The following ZMIZ1 variants were observed in gnomAD, a reference collection of about 807,000 sequenced individuals.
The protein encoded by ZMIZ1 is zinc finger MIZ domain-containing protein 1.
ZMIZ1 carries 17 observed loss-of-function variants against 113.9 expected under a neutral mutation model. The ratio of observed to expected loss-of-function variants is 0.15; its 90% confidence interval spans 0.10 to 0.22. The LOEUF (loss-of-function observed/expected upper bound fraction) is 0.22, where lower values mean the gene tolerates loss of function less well. ZMIZ1 is among the 10% of genes least tolerant of loss of function. ZMIZ1 has a pLI of 1.00. For missense variants in ZMIZ1, 1,059 were observed against 1,477.8 expected (o/e 0.72, Z 4.65); for synonymous variants, 607 against 603.1 (o/e 1.01, Z -0.09).
chr10:79,202,299 T>C (rs1035411619), intron 5 of ZMIZ1, among the ~76,000 whole-genome samples: 2 of 150,874 alleles, frequency 1.3e-5, no homozygotes, highest in Non-Finnish European at 3.0e-5. Flanking sequence ...TACTAATTTA[T>C]TTAAAAATAA....
intron 23 of ZMIZ1, among the ~76,000 whole-genome samples, chr10:79,310,674 C>T (rs551831594): frequency 1.3e-5 from 2 of 152,270 alleles, no homozygotes; most frequent in Non-Finnish European, 1.5e-5. Flanking sequence ...TCGAAGCCCT[C>T]CCCACCTCCT....
At chr10:79,307,729 G>A (rs1854824911) in intron 23 of ZMIZ1, among the ~76,000 whole-genome samples, 158 bp downstream of exon 23, 1 of 152,116 alleles carries the variant, frequency 6.6e-6, no homozygotes. Context: ...GCTACGTCGT[G>A]CCCTGTCAGT....
chr10:79,251,960 C>T (rs923398340), intron 7 of ZMIZ1, among the ~76,000 whole-genome samples: 5 of 152,156 alleles, frequency 3.3e-5, no homozygotes, highest in Admixed American at 1.3e-4. Flanking sequence ...GGAGGCCACT[C>T]GGGCAATGGG....
chr10:79,277,574 T>TTAGA (rs1157982350), intron 8 of ZMIZ1, among the ~76,000 whole-genome samples: 1 of 152,210 alleles, frequency 6.6e-6, no homozygotes, highest in Non-Finnish European at 1.5e-5. Flanking sequence ...TGGCAGAACG[T>TTAGA]TAGAAATTCT....
chr10:79,213,395 G>A (rs1267192499), intron 6 of ZMIZ1, among the ~76,000 whole-genome samples: 2 of 152,180 alleles, frequency 1.3e-5, no homozygotes, highest in Non-Finnish European at 2.9e-5. Context: ...GTGGCCTTGA[G>A]CACGGTCCTG....
At position 79,118,636 on chromosome 10, in the gene ZMIZ1, T is replaced by C. The variant is rs112801443; in HGVS notation, c.-336-279T>C. ...CTGGGAGGCCGGGCTGACTGGAGCC[T>C]AGTGGTGGGCAGGCAGGTTTGGCTG... On this transcript the variant is annotated intron_variant, in intron 1 of 24. Coordinates refer to ENST00000334512, the MANE Select transcript of ZMIZ1 (RefSeq NM_020338.4). The surrounding 1 kb of genome is among the most constrained non-coding windows in gnomAD (Gnocchi z 4.1). Among the ~76,000 whole-genome samples, 7 of 152,282 alleles carry C rather than the reference T, an allele frequency of 4.6e-5. No individual in the cohort carries two copies. Among genetic ancestry groups the C allele is most frequent in the African/African-American group, 1.7e-4 (7 of 41,568 alleles).
At chr10:79,182,871 T>C (rs775453260) in intron 4 of ZMIZ1, among the ~76,000 whole-genome samples, 6 of 152,252 alleles carry the variant, frequency 3.9e-5, no homozygotes, top group Non-Finnish European at 2.9e-5. Context: ...ATCCATTAGA[T>C]GTACACTGTT....
At chr10:79,303,454 C>CAA (rs34154193) in intron 18 of ZMIZ1, among the ~76,000 whole-genome samples, 4,590 of 64,280 alleles carry the variant, frequency 0.071, 225 homozygotes, top group East Asian at 0.2. Context: ...GACACTGCCA[C>CAA]AAAAAAAAAA....
intron 2 of ZMIZ1, among the ~76,000 whole-genome samples, chr10:79,130,380 G>A (rs1434094108): frequency 6.6e-6 from 1 of 152,212 alleles, no homozygotes; most frequent in African/African-American, 2.4e-5. Context: ...CTGAGTGCCA[G>A]GCCCAGCGCT....
chr10:79,208,551 G>A (rs1191202031), intron 6 of ZMIZ1, 102 bp downstream of exon 6: 4 of 979,584 alleles, frequency 4.1e-6, no homozygotes, highest in Non-Finnish European at 4.6e-6. Context: ...ATTGGGAGGT[G>A]ACACCAGTGA....
chr10:79,175,713 G>A (rs901034973), intron 4 of ZMIZ1, among the ~76,000 whole-genome samples: 3 of 151,622 alleles, frequency 2.0e-5, no homozygotes, highest in Non-Finnish European at 4.4e-5. Context: ...CCATCCTTGG[G>A]CTGGGCTCAG....
At chr10:79,257,661 C>T (rs1851005424) in intron 7 of ZMIZ1, among the ~76,000 whole-genome samples, 1 of 152,230 alleles carries the variant, frequency 6.6e-6, no homozygotes, top group Admixed American at 6.5e-5. Context: ...GCCTGCCAGG[C>T]AGACCTGCCC....
At chr10:79,244,124 G>A (rs1321860351) in intron 7 of ZMIZ1, among the ~76,000 whole-genome samples, 2 of 152,234 alleles carry the variant, frequency 1.3e-5, no homozygotes, top group Admixed American at 6.5e-5. Context: ...GAGGGTCCTC[G>A]ACTTCAAGCT....
chr10:79,095,013 C>G (rs868491908), intron 1 of ZMIZ1, among the ~76,000 whole-genome samples: 7 of 151,756 alleles, frequency 4.6e-5, no homozygotes, highest in African/African-American at 1.5e-4. Context: ...GGATGCTGAT[C>G]AGAGGCCTGG....
At chr10:79,104,022 G>A (rs1843465500) in intron 1 of ZMIZ1, among the ~76,000 whole-genome samples, 1 of 152,206 alleles carries the variant, frequency 6.6e-6, no homozygotes, top group African/African-American at 2.4e-5. Context: ...AACTAGTCCT[G>A]CCACTCCTGT....
In ZMIZ1 at chr10:79,292,209, C is replaced by G; in HGVS notation, c.810C>G (p.Thr270=). Residue 270 remains threonine (T), a synonymous_variant, in exon 11 of 25, where the codon ACC becomes ACG. Coordinates refer to ENST00000334512, the MANE Select transcript of ZMIZ1 (RefSeq NM_020338.4). The part of the protein sequence containing the change: ...APAGMGIPPH[T]RPPADFTQPA... ...CAGGCATGGGCATCCCTCCGCACAC[C>G]AGGCCGCCTGCTGACTTCACTCAGC... 6.2e-7 allele frequency: 1 copy of G among 1,612,260 alleles called. No individual in the cohort carries two copies. The highest frequency in any genetic ancestry group is 8.5e-7 in the Non-Finnish European group (1 of 1,179,650).
intron 1 of ZMIZ1, among the ~76,000 whole-genome samples, chr10:79,088,023 A>G (rs1842867611): frequency 6.6e-6 from 1 of 152,342 alleles, no homozygotes; most frequent in East Asian, 1.9e-4. Flanking sequence ...GCTCCCTGCA[A>G]GTTGAATAAC....
chr10:79,283,939 T>G (rs987040017), intron 8 of ZMIZ1, among the ~76,000 whole-genome samples: 1 of 152,228 alleles, frequency 6.6e-6, no homozygotes, highest in Non-Finnish European at 1.5e-5. Context: ...CACTACAGCC[T>G]TGCACGGAGA....
At chr10:79,153,517 A>G (rs985847854) in intron 3 of ZMIZ1, among the ~76,000 whole-genome samples, 2 of 152,254 alleles carry the variant, frequency 1.3e-5, no homozygotes, top group Non-Finnish European at 2.9e-5. Flanking sequence ...CAAACCTGTC[A>G]TCCCCTTTCT....
Sources: allele counts gnomAD v4.1 joint callset (sites outside exome capture counted in the v4.1 genomes callset), GRCh38; gene constraint gnomAD v4.1.1; non-coding constraint Gnocchi (gnomAD v3.1); transcripts MANE v1.5; gene names NCBI Gene and HGNC (gene_info 2026-07-23, HGNC 2026-07-21).